ELP3: variants seen among roughly 807,000 people sequenced by gnomAD.
ELP3 encodes the protein elongator complex protein 3.
ELP3 carries 56 observed loss-of-function variants against 74.9 expected under a neutral mutation model. That is an observed-to-expected ratio of 0.75 (90% CI 0.60 to 0.93). ELP3 has a LOEUF of 0.93. ELP3 is among the 40% of genes least tolerant of loss of function. ELP3 has a pLI of 0.00. For missense variants in ELP3, 573 were observed against 686.5 expected (o/e 0.83, Z 1.85); for synonymous variants, 222 against 239.8 (o/e 0.93, Z 0.68).
intron 10 of ELP3, among the ~76,000 whole-genome samples, chr8:28,151,249 A>C (rs944097424): frequency 1.4e-4 from 22 of 151,780 alleles, no homozygotes; most frequent in African/African-American, 5.1e-4. Context: ...GGCATTCTTT[A>C]TTTCTGTTTC....
In ELP3 at chr8:28,110,448, T is replaced by A; in HGVS notation, c.462+10T>A. 1 of 1,603,402 alleles carries A rather than the reference T, an allele frequency of 6.2e-7. No individual in the cohort carries two copies. On this transcript the variant is annotated intron_variant, in intron 6 of 14. Coordinates refer to ENST00000256398, the MANE Select transcript of ELP3 (RefSeq NM_018091.6). ...ACACCGAATAGAACAGGTACATTTT[T>A]AAAAAACATGTTTCTTAAAAATTAG...
At chr8:28,094,579 C>T (rs1158306268) in intron 1 of ELP3, among the ~76,000 whole-genome samples, 1 of 151,926 alleles carries the variant, frequency 6.6e-6, no homozygotes, top group Non-Finnish European at 1.5e-5. Flanking sequence ...ATTAGCCGGG[C>T]GTGGTGGCAG....
At chr8:28,172,423 A>T (rs1056282801) in intron 14 of ELP3, among the ~76,000 whole-genome samples, 4 of 152,044 alleles carry the variant, frequency 2.6e-5, no homozygotes, top group Non-Finnish European at 4.4e-5. Flanking sequence ...TGAGATTTTT[A>T]AAATTTTGTT....
chr8:28,093,070 C>T, upstream of ELP3: 1 of 1,361,278 alleles, frequency 7.3e-7, no homozygotes, highest in Non-Finnish European at 1.0e-6. Context: ...TGGCTTTGTG[C>T]ACGTCGGCTT....
chr8:28,122,553 T>C (rs964346078), intron 7 of ELP3, among the ~76,000 whole-genome samples: 9 of 152,248 alleles, frequency 5.9e-5, no homozygotes, highest in Non-Finnish European at 1.2e-4. Flanking sequence ...AATTTGTCTG[T>C]TTCATTCATT....
At chr8:28,161,598 T>C (rs1181183042) in intron 13 of ELP3, among the ~76,000 whole-genome samples, 1 of 141,378 alleles carries the variant, frequency 7.1e-6, no homozygotes, top group Non-Finnish European at 1.5e-5. Context: ...AGAGGGAGAT[T>C]CCGTCTCAAG....
At chr8:28,148,963 C>T (rs960470354) in intron 10 of ELP3, among the ~76,000 whole-genome samples, 2 of 152,094 alleles carry the variant, frequency 1.3e-5, no homozygotes, top group Non-Finnish European at 2.9e-5. Flanking sequence ...AGGCAGAGCC[C>T]TCATGAATGG....
At chr8:28,186,932 T>C (rs962693838) in intron 14 of ELP3, among the ~76,000 whole-genome samples, 1 of 152,166 alleles carries the variant, frequency 6.6e-6, no homozygotes, top group African/African-American at 2.4e-5. Flanking sequence ...CTGTGTCTCT[T>C]TAAGAACAAC....
chr8:28,177,330 A>G (rs1814798695), intron 14 of ELP3, among the ~76,000 whole-genome samples: 2 of 152,220 alleles, frequency 1.3e-5, no homozygotes, highest in South Asian at 4.1e-4. Context: ...CCCAACTTTG[A>G]TATCAGTGTA....
At chr8:28,168,614 A>T (rs1814401144) in intron 14 of ELP3, among the ~76,000 whole-genome samples, 1 of 152,188 alleles carries the variant, frequency 6.6e-6, no homozygotes, top group African/African-American at 2.4e-5. Flanking sequence ...TTAAAATTAG[A>T]CACTTCACAG....
intron 7 of ELP3, among the ~76,000 whole-genome samples, chr8:28,127,761 A>G (rs1812636127): frequency 6.6e-6 from 1 of 152,192 alleles, no homozygotes; most frequent in Non-Finnish European, 1.5e-5. Flanking sequence ...TTTCTGTCTC[A>G]TAGTTCATCT....
intron 2 of ELP3, among the ~76,000 whole-genome samples, chr8:28,098,903 G>C (rs533646804): frequency 3.0e-4 from 45 of 152,232 alleles, no homozygotes; most frequent in African/African-American, 9.9e-4. Context: ...ATTCCTCCCT[G>C]AACTCTGGAA....
chr8:28,157,081 C>T (rs757264001), intron 11 of ELP3, among the ~76,000 whole-genome samples: 7 of 152,174 alleles, frequency 4.6e-5, no homozygotes, highest in Admixed American at 3.3e-4. Flanking sequence ...AGGTGACTGA[C>T]CTGGCCTGGT....
At chr8:28,188,317 G>A (rs1815322332) in intron 14 of ELP3, among the ~76,000 whole-genome samples, 1 of 152,034 alleles carries the variant, frequency 6.6e-6, no homozygotes, top group Admixed American at 6.5e-5. Flanking sequence ...CTGACATAGA[G>A]CTCCTAAAAC....
chr8:28,122,349 C>T (rs2130434075), intron 7 of ELP3, among the ~76,000 whole-genome samples: 1 of 152,300 alleles, frequency 6.6e-6, no homozygotes, highest in South Asian at 2.1e-4. Context: ...CCCCTGTTTT[C>T]TGAAAGTGTT....
chr8:28,121,537 C>T (rs1173037797), intron 7 of ELP3, among the ~76,000 whole-genome samples: 1 of 151,998 alleles, frequency 6.6e-6, no homozygotes, highest in Non-Finnish European at 1.5e-5. Flanking sequence ...CCAGGCTGGT[C>T]TCAAACTCCC....
At chr8:28,101,489 C>T (rs932944000) in intron 3 of ELP3, among the ~76,000 whole-genome samples, 40 of 152,084 alleles carry the variant, frequency 2.6e-4, no homozygotes, top group African/African-American at 9.4e-4. Flanking sequence ...TTTTTCTACC[C>T]TAGGGCAACC....
At chr8:28,095,118 A>C (rs1811203122) in intron 1 of ELP3, among the ~76,000 whole-genome samples, 1 of 152,210 alleles carries the variant, frequency 6.6e-6, no homozygotes, top group Non-Finnish European at 1.5e-5. Context: ...GTTTCACACA[A>C]AGATAGGTAA....
At chr8:28,115,925 A>T (rs1812113666) in intron 7 of ELP3, among the ~76,000 whole-genome samples, 1 of 152,092 alleles carries the variant, frequency 6.6e-6, no homozygotes, top group Non-Finnish European at 1.5e-5. Flanking sequence ...TCATATAGCT[A>T]ATTATAAGGT....
Sources: allele counts gnomAD v4.1 joint callset (sites outside exome capture counted in the v4.1 genomes callset), GRCh38; gene constraint gnomAD v4.1.1; transcripts MANE v1.5; gene names NCBI Gene and HGNC (gene_info 2026-07-23, HGNC 2026-07-21).